Variants in MIER2 observed in about 807,000 individuals in gnomAD.
The protein encoded by MIER2 is MIER family member 2.
In MIER2, 30 loss-of-function variants were observed where a neutral mutation model predicts 67.6. The ratio of observed to expected loss-of-function variants is 0.44; its 90% CI spans 0.33 to 0.60. The LOEUF is 0.60. MIER2 is among the 20% of genes least tolerant of loss of function. MIER2 has a pLI of 0.02. For synonymous variants in MIER2, 372 were observed against 312.6 expected, an observed-to-expected ratio of 1.19 and a Z score of -2.00; for missense variants, 702 against 745.1, an observed-to-expected ratio of 0.94 and a Z score of 0.67.
chr19:308,892 A>G lies in MIER2; in HGVS notation c.1018T>C (p.Tyr340His), dbSNP rs878971892. The G allele has an allele frequency of 6.2e-7, 1 of 1,609,042 alleles. No individual in the cohort carries two copies. ...RTRSVGECVE[Y>H]YYLWKKSERY... The stretch of plus-strand genomic sequence containing the variant: ...TCCGACTTCTTCCACAGGTAGTAGT[A>G]CTCGACACACTCGCCCACTGACCGT... Residue 340 changes from tyrosine to histidine, a missense_variant, in exon 11 of 14, where the codon TAC (tyrosine) becomes CAC (histidine). Tyr to His is a moderately conservative substitution (Grantham distance 83). This residue lies in a region of MIER2 where 128 missense variants were observed against 189.7 expected (regional missense o/e 0.67). Transcript: ENST00000264819. The surrounding 1 kb of genome is among the most constrained non-coding windows in gnomAD (Gnocchi z 9.1).
rs1970657483 is a variant in MIER2, at chr19:306,544, AC to A, written c.*145del. 1 of 1,095,412 alleles carries A rather than the reference AC, an allele frequency of 9.1e-7. No homozygotes were observed. The highest frequency in any genetic ancestry group is 1.3e-6 in the Non-Finnish European group (1 of 755,366). The allele number at this position is 1,095,412 out of a possible 1,614,324, so 67.9% of individuals were successfully genotyped here. ...CAAGGGCTCACGGCCCAGCCACCTC[AC>A]CCCAGTCCTGACGTGTTCTGAAGCA... On this transcript the variant is annotated 3_prime_UTR_variant, in exon 14 of 14. Coordinates refer to ENST00000264819, the MANE Select transcript of MIER2 (RefSeq NM_017550.3).
At chr19:343,354 C>T (rs1040414276) in intron 1 of MIER2, among the ~76,000 whole-genome samples, 3 of 152,232 alleles carry the variant, frequency 2.0e-5, no homozygotes, top group African/African-American at 7.2e-5. Context: ...GCTGCAGGGC[C>T]ACTGGGAGAC....
intron 1 of MIER2, among the ~76,000 whole-genome samples, chr19:340,151 T>A (rs997305831): frequency 1.3e-5 from 2 of 151,758 alleles, no homozygotes; most frequent in East Asian, 3.9e-4. Context: ...AGAGATAGAG[T>A]CAGTTACCCA....
chr19:312,407 C>T (rs1369221571), intron 8 of MIER2, 135 bp from the exon 9 acceptor site: 14 of 721,170 alleles, frequency 1.9e-5, no homozygotes, highest in African/African-American at 7.2e-5. Flanking sequence ...CCACCTACAC[C>T]TCTATCCAGG....
chr19:306,646 C>T lies in MIER2; in HGVS notation c.*44G>A, dbSNP rs1970663014. ...CTGACAGAGGCGGGCCCAGCGGCAG[C>T]GCTAAGTCCAGTCTGGGCCGCATAC... On this transcript the variant is annotated 3_prime_UTR_variant, in exon 14 of 14. Coordinates refer to ENST00000264819, the MANE Select transcript of MIER2 (RefSeq NM_017550.3). 7.7e-6 allele frequency: 12 copies of T among 1,550,386 alleles called. No homozygotes were observed. Among genetic ancestry groups the T allele is most frequent in the Admixed American group, 2.0e-5 (1 of 50,998 alleles).
intron 1 of MIER2, among the ~76,000 whole-genome samples, chr19:338,642 C>T (rs946214843): frequency 6.6e-6 from 1 of 152,168 alleles, no homozygotes; most frequent in Non-Finnish European, 1.5e-5. Context: ...ACAATACTTC[C>T]TGATTTCAAA....
At chr19:342,192 C>G (rs1433312478) in intron 1 of MIER2, among the ~76,000 whole-genome samples, 2 of 152,180 alleles carry the variant, frequency 1.3e-5, no homozygotes, top group Non-Finnish European at 2.9e-5. Flanking sequence ...GACCAATGTT[C>G]CCTGGGCGCC....
Position 317,487 on chromosome 19 carries a change from A to G in MIER2, c.656-3844T>C, listed in dbSNP as rs905232428. ...GCTTGCAGTGAGCTGAGATCGCGCC[A>G]CTGCACTCCAACCTGGGTGACAAAG... On this transcript the variant is annotated intron_variant, in intron 7 of 13. Coordinates refer to ENST00000264819, the MANE Select transcript of MIER2 (RefSeq NM_017550.3). 1.3e-3 allele frequency among the ~76,000 whole-genome samples: 200 copies of G among 152,044 alleles called. 1 individual carries two copies. The highest frequency in any genetic ancestry group is 4.6e-3 in the African/African-American group (192 of 41,442).
Position 338,226 on chromosome 19 carries a change from T to C in MIER2, c.10-2053A>G, listed in dbSNP as rs1479122472. Among the ~76,000 whole-genome samples, 4 of 148,318 alleles carry C rather than the reference T, an allele frequency of 2.7e-5. No individual in the cohort carries two copies. In the South Asian group the frequency reaches 6.5e-4, roughly 24 times the overall value. On this transcript the variant is annotated intron_variant, in intron 1 of 13. Coordinates refer to ENST00000264819, the MANE Select transcript of MIER2 (RefSeq NM_017550.3). ...TTGGTAAGGAAGAAGTAAAACTATC[T>C]CTGTGCTGGTGCTGGTGACATGATC...
At chr19:333,854 A>G (rs1225276159) in intron 3 of MIER2, among the ~76,000 whole-genome samples, 2 of 150,628 alleles carry the variant, frequency 1.3e-5, no homozygotes, top group Admixed American at 1.3e-4. Context: ...ATGCCCGGCT[A>G]ATTTTGTTTT....
In MIER2 at chr19:308,590, A is replaced by T; in HGVS notation, c.1185T>A (p.Thr395=). 1 of 1,604,984 alleles carries T rather than the reference A, an allele frequency of 6.2e-7. No individual in the cohort carries two copies. The highest frequency in any genetic ancestry group is 1.1e-5 in the South Asian group (1 of 89,466). Residue 395 remains threonine (T), a synonymous_variant, in exon 12 of 14, where the codon ACT becomes ACA. Transcript: ENST00000264819. The surrounding 1 kb of genome is among the most constrained non-coding windows in gnomAD (Gnocchi z 9.1). ...GRPRPEQDTL[T]GMRTDPLSVD... is the part of the protein sequence containing the mutation. ...CCCAAGCCTCACCTGTGCGCATCCC[A>T]GTCAGGGTGTCTTGCTCCGGGCGCG...
At chr19:326,046 C>A (rs1971724342) in intron 6 of MIER2, among the ~76,000 whole-genome samples, 1 of 152,244 alleles carries the variant, frequency 6.6e-6, no homozygotes. Context: ...GCACGTCCCT[C>A]CTCTGAGAAG....
intron 10 of MIER2, among the ~76,000 whole-genome samples, chr19:309,459 T>G (rs1475295097): frequency 2.6e-5 from 4 of 151,958 alleles, no homozygotes; most frequent in African/African-American, 9.7e-5. Context: ...GCTTCCCAAG[T>G]GCACAGAAGA....
intron 7 of MIER2, 107 bp from the exon 8 acceptor site, chr19:313,750 G>A (rs971972589): frequency 6.8e-6 from 10 of 1,460,982 alleles, no homozygotes; most frequent in Non-Finnish European, 9.2e-6. Flanking sequence ...AGGAGGCACT[G>A]TCCGTCCTCC....
At position 308,869 on chromosome 19, in the gene MIER2, C is replaced by T. The variant is rs144035684; in HGVS notation, c.1041G>A (p.Ser347=). Residue 347 remains serine, a synonymous_variant, in exon 11 of 14, where the codon TCG becomes TCA. Transcript: ENST00000264819. The surrounding 1 kb of genome is among the most constrained non-coding windows in gnomAD (Gnocchi z 9.1). ...CVEYYYLWKK[S]ERYDYFAQQT... ...GCTGGGCGAAGTAGTCGTAGCGCTC[C>T]GACTTCTTCCACAGGTAGTAGTACT... 1.2e-4 allele frequency: 186 copies of T among 1,611,576 alleles called. No individual in the cohort carries two copies. The highest frequency in any genetic ancestry group is 1.5e-4 in the Non-Finnish European group (177 of 1,178,638).
chr19:344,723 G>A (rs1452897181), intron 1 of MIER2, 51 bp downstream of exon 1: 3 of 1,111,076 alleles, frequency 2.7e-6, no homozygotes, highest in East Asian at 8.6e-5. Flanking sequence ...GGCGGCGGGG[G>A]GCGCGGACGC....
chr19:328,658 G>GA (rs1314825728), intron 3 of MIER2, among the ~76,000 whole-genome samples: 4 of 152,114 alleles, frequency 2.6e-5, no homozygotes, highest in Non-Finnish European at 2.9e-5. Flanking sequence ...TGAAGCACGA[G>GA]AATCACTTGT....
chr19:315,133 G>A (rs1971181204), intron 7 of MIER2, among the ~76,000 whole-genome samples: 1 of 152,164 alleles, frequency 6.6e-6, no homozygotes, highest in Non-Finnish European at 1.5e-5. Context: ...GGGAGGCTGA[G>A]GCGGGCGGGT....
intron 4 of MIER2, 111 bp from the exon 5 acceptor site, chr19:327,367 G>T: frequency 3.0e-6 from 4 of 1,330,174 alleles, no homozygotes; most frequent in South Asian, 1.3e-5. Context: ...CTCACATGGG[G>T]CTGCTATTCC....
Sources: allele counts gnomAD v4.1 joint callset (sites outside exome capture counted in the v4.1 genomes callset), GRCh38; gene constraint gnomAD v4.1.1; regional missense constraint gnomAD v4.1.1; non-coding constraint Gnocchi (gnomAD v3.1); transcripts MANE v1.5; gene names NCBI Gene and HGNC (gene_info 2026-07-23, HGNC 2026-07-21).